NUBPL: variants seen among roughly 807,000 people sequenced by gnomAD.
NUBPL encodes the protein NUBP iron-sulfur cluster assembly factor, mitochondrial, also known as iron-sulfur cluster transfer protein NUBPL.
NUBPL carries 31 observed loss-of-function variants against 45.7 expected under a neutral mutation model. That is an observed-to-expected ratio of 0.68 (90% CI 0.51 to 0.92). The LOEUF (loss-of-function observed/expected upper bound fraction) is 0.92. NUBPL is among the 40% of genes least tolerant of loss of function. The probability of loss-of-function intolerance (pLI) is 0.00; values close to 1 mark genes in which losing one functional copy is unlikely to be tolerated. For synonymous variants in NUBPL, 144 were observed against 140.9 expected (o/e 1.02, Z -0.15); for missense variants, 401 against 398.7 (o/e 1.01, Z -0.05).
rs1162438092 is a variant in NUBPL, at chr14:31,859,098, A to C, written c.898-20A>C. On this transcript the variant is annotated intron_variant, in intron 10 of 10. Transcript: ENST00000281081. ...TCTGCTGAAGAGAAATACAGAACAA[A>C]TAAGTTTGTTCTTTTCCAGGCCAAA... is the stretch of plus-strand genomic sequence containing the variant. The C allele has an allele frequency of 6.2e-7, 1 of 1,610,654 alleles. No individual in the cohort carries two copies. Among genetic ancestry groups the C allele is most frequent in the African/African-American group, 1.3e-5 (1 of 74,832 alleles).
intron 8 of NUBPL, among the ~76,000 whole-genome samples, chr14:31,833,309 C>T (rs189837164): frequency 8.4e-4 from 128 of 151,828 alleles, no homozygotes; most frequent in African/African-American, 3.0e-3. Flanking sequence ...GTTTAGGCTG[C>T]AGTGAACTGT....
intron 7 of NUBPL, among the ~76,000 whole-genome samples, chr14:31,815,264 A>G (rs1043333270): frequency 5.3e-5 from 8 of 151,950 alleles, no homozygotes; most frequent in Non-Finnish European, 1.0e-4. Flanking sequence ...CATCCCTTGT[A>G]AATTGGATTC....
At chr14:31,646,303 C>T (rs550018083) in intron 4 of NUBPL, among the ~76,000 whole-genome samples, 3 of 152,092 alleles carry the variant, frequency 2.0e-5, no homozygotes, top group East Asian at 1.9e-4. Flanking sequence ...TCTTGTACCT[C>T]GGCCTCCCAA....
At chr14:31,740,175 A>G (rs958757927) in intron 6 of NUBPL, among the ~76,000 whole-genome samples, 2 of 152,220 alleles carry the variant, frequency 1.3e-5, no homozygotes, top group African/African-American at 4.8e-5. Context: ...AATACCAAGA[A>G]ACATGATTAC....
chr14:31,835,106 T>C (rs568656319), intron 8 of NUBPL, among the ~76,000 whole-genome samples: 8 of 152,270 alleles, frequency 5.3e-5, no homozygotes, highest in East Asian at 1.9e-4. Context: ...GGAGGTATCA[T>C]GTGGGCGATA....
At position 31,646,466 on chromosome 14, in the gene NUBPL, G is replaced by A. The variant is rs146885878; in HGVS notation, c.383-26889G>A. On this transcript the variant is annotated intron_variant, in intron 4 of 10. Transcript: ENST00000281081. The stretch of plus-strand genomic sequence containing the variant: ...GCCTCCCAAAGTGCTGGGATTACAG[G>A]CATGAGCCACCACGCTTGGCCATCA... Among the ~76,000 whole-genome samples, 87 of 152,252 alleles carry A rather than the reference G, an allele frequency of 5.7e-4. 1 individual carries two copies. Among genetic ancestry groups the A allele is most frequent in the Middle Eastern group, 3.4e-3 (1 of 294 alleles).
At chr14:31,648,417 T>C (rs1425254921) in intron 4 of NUBPL, among the ~76,000 whole-genome samples, 1 of 152,220 alleles carries the variant, frequency 6.6e-6, no homozygotes. Flanking sequence ...ATGCACTGAC[T>C]GATAATCCAT....
At position 31,811,956 on chromosome 14, in the gene NUBPL, A is replaced by G. The variant is rs377322943; in HGVS notation, c.608-14673A>G. Among the ~76,000 whole-genome samples the G allele has an allele frequency of 5.3e-5, 8 of 152,356 alleles. No individual in the cohort carries two copies. In the South Asian group the frequency reaches 8.3e-4, roughly 16 times the overall value. On this transcript the variant is annotated intron_variant, in intron 7 of 10. Transcript: ENST00000281081. ...CCTGGGTTTCACCAGCAGAGGCTGC[A>G]GAACAGCAAATATTGCAGAACAGCA... is the stretch of plus-strand genomic sequence containing the variant.
chr14:31,781,414 A>C (rs2039188911), intron 6 of NUBPL, among the ~76,000 whole-genome samples: 1 of 152,258 alleles, frequency 6.6e-6, no homozygotes, highest in African/African-American at 2.4e-5. Context: ...ATAAAACTAC[A>C]GAACCAATTT....
intron 7 of NUBPL, among the ~76,000 whole-genome samples, chr14:31,822,888 G>A (rs1300266741): frequency 2.0e-5 from 3 of 152,062 alleles, no homozygotes; most frequent in South Asian, 4.1e-4. Context: ...ATGCTTATTT[G>A]TGCTACTGTG....
chr14:31,778,895 T>C (rs2039143352), intron 6 of NUBPL, among the ~76,000 whole-genome samples: 1 of 152,232 alleles, frequency 6.6e-6, no homozygotes, highest in South Asian at 2.1e-4. Flanking sequence ...GACATCTTTA[T>C]AAATACTGGC....
At chr14:31,664,571 C>T (rs1416384791) in intron 4 of NUBPL, among the ~76,000 whole-genome samples, 1 of 152,166 alleles carries the variant, frequency 6.6e-6, no homozygotes, top group Non-Finnish European at 1.5e-5. Flanking sequence ...AGCCTTGCAT[C>T]CCAGGGATGA....
chr14:31,853,085 T>TGTTGTGTTGTGTTG (rs1566599739), intron 10 of NUBPL, among the ~76,000 whole-genome samples: 1 of 62,874 alleles, frequency 1.6e-5, no homozygotes, highest in African/African-American at 9.6e-5. Context: ...GTGTTGTGTT[T>TGTTGTGTTGTGTTG]TGTTTTGTTT....
intron 6 of NUBPL, among the ~76,000 whole-genome samples, chr14:31,687,612 C>A (rs183720538): frequency 6.6e-6 from 1 of 152,200 alleles, no homozygotes; most frequent in South Asian, 2.1e-4. Flanking sequence ...TGTGAGTATC[C>A]ACTTAAAATG....
At chr14:31,615,320 A>T (rs2034870246) in intron 4 of NUBPL, among the ~76,000 whole-genome samples, 1 of 152,132 alleles carries the variant, frequency 6.6e-6, no homozygotes, top group Non-Finnish European at 1.5e-5. Flanking sequence ...TTATACATTA[A>T]GTTCTGGGGT....
intron 6 of NUBPL, among the ~76,000 whole-genome samples, chr14:31,772,960 A>C (rs2039035473): frequency 6.6e-6 from 1 of 152,172 alleles, no homozygotes; most frequent in South Asian, 2.1e-4. Context: ...ATTAGGGAAG[A>C]ACATTTATAT....
chr14:31,624,761 C>T (rs1159124938), intron 4 of NUBPL, among the ~76,000 whole-genome samples: 1 of 152,148 alleles, frequency 6.6e-6, no homozygotes, highest in East Asian at 1.9e-4. Flanking sequence ...GACAGAGTTT[C>T]ATCATGTTGG....
intron 6 of NUBPL, among the ~76,000 whole-genome samples, chr14:31,674,156 A>G (rs576923437): frequency 6.6e-6 from 1 of 152,210 alleles, no homozygotes; most frequent in Non-Finnish European, 1.5e-5. Context: ...TTAGCTTGGA[A>G]TAAGTTTTAT....
intron 3 of NUBPL, among the ~76,000 whole-genome samples, chr14:31,594,406 G>A (rs1054481583): frequency 2.0e-5 from 3 of 152,198 alleles, no homozygotes; most frequent in Non-Finnish European, 2.9e-5. Context: ...GAGCAAGACC[G>A]TCTGAAAAAA....
Sources: gnomAD v4.1 joint callset for allele counts (sites outside exome capture counted in the v4.1 genomes callset) on GRCh38, gnomAD v4.1.1 for gene constraint, MANE v1.5 for transcripts, NCBI Gene and HGNC (gene_info 2026-07-23, HGNC 2026-07-21) for gene names.